The following RBFOX2 variants were observed in gnomAD, a reference collection of about 807,000 sequenced individuals.
RBFOX2 encodes the protein RNA binding fox-1 homolog 2.
Under a neutral mutation model 49.1 loss-of-function variants are expected in RBFOX2, and 10 were observed. The observed-to-expected ratio is 0.20, with a 90% CI of 0.13 to 0.35. RBFOX2 has a LOEUF of 0.35. RBFOX2 is among the 10% of genes least tolerant of loss of function. The pLI, the probability that RBFOX2 is intolerant of heterozygous loss-of-function variation, is 1.00. For missense variants in RBFOX2, 323 were observed against 486.9 expected (o/e 0.66, Z 3.17); for synonymous variants, 183 against 187.4 (o/e 0.98, Z 0.19).
At chr22:35,824,317 T>C (rs920829366) in intron 1 of RBFOX2, 28 of 152,314 alleles carry the variant, frequency 1.8e-4, no homozygotes, top group African/African-American at 6.7e-4. Flanking sequence ...ATCAAGTATT[T>C]ACCAGTTAGA....
chr22:35,783,274 G>A (rs1945600751), intron 2 of RBFOX2, among the ~76,000 whole-genome samples: 1 of 152,122 alleles, frequency 6.6e-6, no homozygotes, highest in Non-Finnish European at 1.5e-5. Flanking sequence ...AAGCCAGTCG[G>A]AGCACCTGGA....
chr22:35,744,334 A>T, intron 11 of RBFOX2, 85 bp from the exon 14 acceptor site: 3 of 1,284,490 alleles, frequency 2.3e-6, no homozygotes, highest in Non-Finnish European at 2.2e-6. Flanking sequence ...AGAGGGATCT[A>T]GAAACAGCCT....
At chr22:35,966,004 C>T (rs2056539096), upstream of RBFOX2, among the ~76,000 whole-genome samples, 1 of 152,090 alleles carries the variant, frequency 6.6e-6, no homozygotes, top group Admixed American at 6.6e-5. Flanking sequence ...AGAAATAGGA[C>T]ATTACCAGCA....
At chr22:35,750,396 A>C (rs1934461332) in intron 9 of RBFOX2, 1 of 1,530,498 alleles carries the variant, frequency 6.5e-7, no homozygotes, top group Non-Finnish European at 9.0e-7. Context: ...AAAAATTAAA[A>C]AGGACATATG....
At chr22:35,845,899 C>T (rs1053235239) in intron 1 of RBFOX2, among the ~76,000 whole-genome samples, 3 of 152,052 alleles carry the variant, frequency 2.0e-5, no homozygotes, top group Non-Finnish European at 4.4e-5. Context: ...ATCCCTGTGT[C>T]TGGCATAGTA....
chr22:35,906,745 G>GTGGA (rs926801342), intron 1 of RBFOX2, among the ~76,000 whole-genome samples: 71 of 152,206 alleles, frequency 4.7e-4, no homozygotes, highest in Middle Eastern at 3.4e-3. Context: ...AACCCAGGAA[G>GTGGA]TGGAGGCTGC....
intron 1 of RBFOX2, among the ~76,000 whole-genome samples, chr22:35,933,975 T>C: frequency 7.2e-6 from 1 of 139,688 alleles, no homozygotes; most frequent in East Asian, 2.0e-4. Flanking sequence ...TGAAATAAAT[T>C]AGAAAATTTC....
intron 1 of RBFOX2, among the ~76,000 whole-genome samples, chr22:35,863,212 TTTG>T (rs983898058): frequency 2.6e-5 from 4 of 152,158 alleles, no homozygotes; most frequent in African/African-American, 4.8e-5. Flanking sequence ...TTTGCAAATA[TTTG>T]TTATTTTGTA....
intron 2 of RBFOX2, among the ~76,000 whole-genome samples, chr22:35,807,979 T>C (rs1002340479): frequency 6.6e-6 from 1 of 151,902 alleles, no homozygotes; most frequent in Admixed American, 6.6e-5. Flanking sequence ...ACAATTTATA[T>C]GAAGCAAATT....
chr22:35,794,987 T>C (rs1252444481), intron 2 of RBFOX2, among the ~76,000 whole-genome samples: 4 of 152,156 alleles, frequency 2.6e-5, no homozygotes, highest in Non-Finnish European at 5.9e-5. Context: ...AAGGATGTCT[T>C]GAGTCTTATA....
At chr22:35,948,589 A>G (rs1160905804) in intron 1 of RBFOX2, among the ~76,000 whole-genome samples, 1 of 152,056 alleles carries the variant, frequency 6.6e-6, no homozygotes, top group East Asian at 1.9e-4. Flanking sequence ...ACAGGCTGAA[A>G]TGGGAGGATG....
exon 1 of RBFOX2, chr22:36,028,420 C>A (rs1603470124): frequency 1.6e-6 from 2 of 1,220,842 alleles, no homozygotes; most frequent in South Asian, 7.5e-5. Context: ...GGGCGCCCTC[C>A]GCCATCCGCC....
At chr22:35,773,330 C>T (rs1471937015) in intron 4 of RBFOX2, among the ~76,000 whole-genome samples, 16 of 151,956 alleles carry the variant, frequency 1.1e-4, no homozygotes, top group Admixed American at 1.0e-3. Flanking sequence ...CTAACTACAG[C>T]CTAAACTTAA....
chr22:35,894,304 A>G (rs2047580836), intron 1 of RBFOX2, among the ~76,000 whole-genome samples: 2 of 152,210 alleles, frequency 1.3e-5, no homozygotes, highest in Non-Finnish European at 2.9e-5. Context: ...CACAATTTTA[A>G]TAACAGTAGT....
At chr22:35,977,735 T>TATATATAG (rs1569517054) in intron 1 of RBFOX2, among the ~76,000 whole-genome samples, 3 of 115,938 alleles carry the variant, frequency 2.6e-5, no homozygotes, top group African/African-American at 8.7e-5. Context: ...TATATATATA[T>TATATATAG]ATATATATAT....
chr22:35,751,724 C>G (rs1419177018), intron 9 of RBFOX2, among the ~76,000 whole-genome samples: 1 of 151,956 alleles, frequency 6.6e-6, no homozygotes, highest in Non-Finnish European at 1.5e-5. Context: ...TTGAAAAGTA[C>G]TTATGAAAAA....
intron 9 of RBFOX2, among the ~76,000 whole-genome samples, chr22:35,753,697 A>G (rs1935802010): frequency 6.7e-6 from 1 of 150,368 alleles, no homozygotes; most frequent in African/African-American, 2.4e-5. Flanking sequence ...AAAATCTTAC[A>G]TTGTAAAGTA....
intron 1 of RBFOX2, among the ~76,000 whole-genome samples, chr22:35,875,143 A>C (rs2044858011): frequency 6.6e-6 from 1 of 152,170 alleles, no homozygotes; most frequent in South Asian, 2.1e-4. Context: ...TTCCAAGATC[A>C]ATTTGCTGTT....
chr22:36,012,762 C>CT lies in RBFOX2; in HGVS notation c.186+15477dup, dbSNP rs941262677. Among the ~76,000 whole-genome samples the CT allele has an allele frequency of 5.3e-5, 8 of 151,542 alleles. No individual in the cohort carries two copies. In the East Asian group the frequency reaches 9.7e-4, roughly 18 times the overall value. On this transcript the variant is annotated intron_variant, in intron 1 of 13. Transcript: ENST00000438146. ...CTTTTTCAACAAACATTTATCAGTTCTTTTTTTTGTTTGTTTTTTTGAGAC... is the reference window on the plus strand; with the variant it reads ...CTTTTTCAACAAACATTTATCAGTTCTTTTTTTTTGTTTGTTTTTTTGAGAC...
Sources: gnomAD v4.1 joint callset for allele counts (sites outside exome capture counted in the v4.1 genomes callset) on GRCh38, gnomAD v4.1.1 for gene constraint, MANE v1.5 for transcripts, NCBI Gene and HGNC (gene_info 2026-07-23, HGNC 2026-07-21) for gene names.